Variants in RPS6KC1 observed in about 807,000 individuals in gnomAD.
RPS6KC1 encodes the protein ribosomal protein S6 kinase C1.
Under a neutral mutation model 103.8 loss-of-function variants are expected in RPS6KC1, and 54 were observed. The ratio of observed to expected loss-of-function variants is 0.52; its 90% CI spans 0.42 to 0.65. The LOEUF (loss-of-function observed/expected upper bound fraction) is 0.65. Ranked by LOEUF, RPS6KC1 falls within the 30% of genes least tolerant of loss-of-function variation. The pLI, the probability that RPS6KC1 is intolerant of heterozygous loss-of-function variation, is 0.00. For missense variants in RPS6KC1, 1,151 were observed against 1,253.8 expected, an observed-to-expected ratio of 0.92 and a Z score of 1.24; for synonymous variants, 439 against 438.7, an observed-to-expected ratio of 1.00 and a Z score of -0.01.
the RPS6KC1 span, among the ~76,000 whole-genome samples, chr1:213,602,296 C>T: frequency 7.0e-6 from 1 of 143,422 alleles, no homozygotes; most frequent in Non-Finnish European, 1.5e-5. Context: ...GCTCTGTCAC[C>T]CAGGCTGGCT....
rs191050036 is a variant in RPS6KC1, at chr1:213,250,355, C to G, written c.2911+7697C>G. 9.2e-5 allele frequency among the ~76,000 whole-genome samples: 14 copies of G among 152,244 alleles called. No individual in the cohort carries two copies. In the East Asian group the frequency reaches 2.7e-3, roughly 29 times the overall value. On this transcript the variant is annotated intron_variant, in intron 12 of 14. Coordinates refer to ENST00000366960, the MANE Select transcript of RPS6KC1 (RefSeq NM_012424.6). ...AGAGTAATGTGATTCCAGGAACTTT[C>G]AAACAGTTCATGTACCCTGCTCAAC...
chr1:213,390,429 G>C, the RPS6KC1 span, among the ~76,000 whole-genome samples: 1 of 152,234 alleles, frequency 6.6e-6, no homozygotes, highest in Non-Finnish European at 1.5e-5. Flanking sequence ...AAAATTAAAA[G>C]GGATGGACAC....
At chr1:213,449,582 G>A in the RPS6KC1 span, among the ~76,000 whole-genome samples, 5 of 152,020 alleles carry the variant, frequency 3.3e-5, no homozygotes, top group Non-Finnish European at 7.4e-5. Context: ...CCTCTTTAAC[G>A]GCCATATCTC....
chr1:213,827,144 T>C, the RPS6KC1 span, among the ~76,000 whole-genome samples: 11 of 152,292 alleles, frequency 7.2e-5, no homozygotes, highest in South Asian at 2.3e-3. Context: ...TAAGCCTGAA[T>C]GCAGAGAGCC....
At chr1:213,070,919 T>C (rs2078808118) in intron 1 of RPS6KC1, 87 bp from the exon 2 acceptor site, 1 of 823,460 alleles carries the variant, frequency 1.2e-6, no homozygotes, top group Non-Finnish European at 1.9e-6. Context: ...GAATTTTTCA[T>C]ACAAATACTA....
At chr1:213,124,723 T>C (rs1319168443) in intron 5 of RPS6KC1, among the ~76,000 whole-genome samples, 1 of 152,086 alleles carries the variant, frequency 6.6e-6, no homozygotes, top group African/African-American at 2.4e-5. Context: ...GAATACGTCA[T>C]TGAGAAGAAG....
At chr1:213,070,407 G>T (rs2148457945) in intron 1 of RPS6KC1, among the ~76,000 whole-genome samples, 1 of 152,208 alleles carries the variant, frequency 6.6e-6, no homozygotes, top group East Asian at 1.9e-4. Flanking sequence ...ACTTTTAGCT[G>T]TTTTTTTGCT....
At chr1:213,116,714 C>T (rs1330217365) in intron 4 of RPS6KC1, among the ~76,000 whole-genome samples, 23 of 151,574 alleles carry the variant, frequency 1.5e-4, no homozygotes, top group South Asian at 1.3e-3. Flanking sequence ...CCATGTTTAG[C>T]GCTTCCTTCA....
At chr1:213,454,998 T>C in the RPS6KC1 span, among the ~76,000 whole-genome samples, 8 of 152,272 alleles carry the variant, frequency 5.3e-5, no homozygotes, top group African/African-American at 1.9e-4. Flanking sequence ...TTTCAACAGG[T>C]GCCTCAGGGA....
At position 213,051,314 on chromosome 1, in the gene RPS6KC1, C is replaced by T. The variant is rs942189393; in HGVS notation, c.-91C>T. 1.1e-6 allele frequency: 1 copy of T among 949,158 alleles called. No homozygotes were observed. Among genetic ancestry groups the T allele is most frequent in the Non-Finnish European group, 1.6e-6 (1 of 610,486 alleles). The allele number at this position is 949,158 out of a possible 1,614,324, so 58.8% of individuals were successfully genotyped here. On this transcript the variant is annotated 5_prime_UTR_variant, in exon 1 of 15. Transcript: ENST00000366960. ...TGGAGCCACCGCCCCCTCGCCGCTT[C>T]GCCGCTGCGTTGGGGAACCTGGACC...
intron 6 of RPS6KC1, among the ~76,000 whole-genome samples, chr1:213,165,074 C>A (rs2090832738): frequency 1.3e-5 from 2 of 151,762 alleles, no homozygotes; most frequent in Admixed American, 1.3e-4. Context: ...TCCTGGAAAT[C>A]TATAGAGTCA....
chr1:213,643,377 C>T, the RPS6KC1 span, among the ~76,000 whole-genome samples: 11 of 151,384 alleles, frequency 7.3e-5, no homozygotes, highest in African/African-American at 2.4e-4. Flanking sequence ...AAGGTATCTA[C>T]CTAGATATCT....
the RPS6KC1 span, among the ~76,000 whole-genome samples, chr1:213,487,111 A>G: frequency 2.0e-5 from 3 of 152,116 alleles, no homozygotes; most frequent in Admixed American, 6.5e-5. Flanking sequence ...TCCTTAGAAT[A>G]ACTACAATAG....
chr1:213,201,574 A>G (rs998824735), intron 8 of RPS6KC1, among the ~76,000 whole-genome samples: 2 of 152,182 alleles, frequency 1.3e-5, no homozygotes, highest in African/African-American at 2.4e-5. Context: ...CCCTAATAGA[A>G]ACTGTGTACT....
the RPS6KC1 span, among the ~76,000 whole-genome samples, chr1:213,806,466 T>C: frequency 6.6e-6 from 1 of 152,146 alleles, no homozygotes; most frequent in Admixed American, 6.5e-5. Flanking sequence ...GGTGCTCCTG[T>C]ATTGGGTGCA....
the RPS6KC1 span, among the ~76,000 whole-genome samples, chr1:213,302,157 C>A: frequency 6.6e-6 from 1 of 152,186 alleles, no homozygotes; most frequent in Non-Finnish European, 1.5e-5. Context: ...CAGAGTTAAC[C>A]CAATCTCTGA....
the RPS6KC1 span, among the ~76,000 whole-genome samples, chr1:213,610,796 G>C: frequency 6.6e-6 from 1 of 152,202 alleles, no homozygotes; most frequent in Non-Finnish European, 1.5e-5. Context: ...CTGAGGGTCA[G>C]TTTGCTCCGG....
chr1:213,221,687 C>T (rs890951256), intron 8 of RPS6KC1, among the ~76,000 whole-genome samples: 7 of 152,124 alleles, frequency 4.6e-5, no homozygotes, highest in African/African-American at 1.7e-4. Context: ...TATTTATTTA[C>T]CAGTTTAGTC....
chr1:213,109,432 C>T (rs964672881), intron 4 of RPS6KC1, among the ~76,000 whole-genome samples: 9 of 152,172 alleles, frequency 5.9e-5, no homozygotes, highest in South Asian at 2.1e-4. Context: ...CAACCGTGCC[C>T]GGCCCGATAT....
Sources: gnomAD v4.1 joint callset for allele counts (sites outside exome capture counted in the v4.1 genomes callset) on GRCh38, gnomAD v4.1.1 for gene constraint, MANE v1.5 for transcripts, NCBI Gene and HGNC (gene_info 2026-07-23, HGNC 2026-07-21) for gene names.